The following ULK4 variants were observed in gnomAD, a reference collection of about 807,000 sequenced individuals.
The protein encoded by ULK4 is unc-51 like kinase 4, also known as inactive serine/threonine-protein kinase ULK4.
Under a neutral mutation model 160.6 loss-of-function variants are expected in ULK4, and 133 were observed. That is an observed-to-expected ratio of 0.83 (90% CI 0.72 to 0.96). ULK4 has a LOEUF of 0.96. Ranked by LOEUF, ULK4 falls within the 40% of genes least tolerant of loss-of-function variation. ULK4 has a pLI of 0.00. For missense variants in ULK4, 1,580 were observed against 1,499.5 expected, an observed-to-expected ratio of 1.05 and a Z score of -0.89; for synonymous variants, 534 against 539.8, an observed-to-expected ratio of 0.99 and a Z score of 0.15.
intron 5 of ULK4, among the ~76,000 whole-genome samples, chr3:41,924,792 C>A (rs1699319222): frequency 6.6e-6 from 1 of 152,140 alleles, no homozygotes; most frequent in Admixed American, 6.6e-5. Context: ...GATTAACCTG[C>A]TGCTCTCCAT....
intron 18 of ULK4, among the ~76,000 whole-genome samples, chr3:41,821,824 A>T (rs958158271): frequency 1.3e-5 from 2 of 152,130 alleles, no homozygotes; most frequent in Admixed American, 6.5e-5. Flanking sequence ...TATCTCCCTC[A>T]TAACAGGAAA....
At chr3:41,794,680 A>C (rs1441633203) in intron 20 of ULK4, among the ~76,000 whole-genome samples, 4 of 131,012 alleles carry the variant, frequency 3.1e-5, no homozygotes, top group African/African-American at 1.2e-4. Flanking sequence ...AAAAAAAAAA[A>C]AAAAAACACA....
Position 41,731,442 on chromosome 3 carries a change from C to T in ULK4, c.2322-13581G>A, listed in dbSNP as rs142169173. Among the ~76,000 whole-genome samples, 613 of 151,858 alleles carry T rather than the reference C, an allele frequency of 4.0e-3. 3 individuals are homozygous for T. Among genetic ancestry groups the T allele is most frequent in the Middle Eastern group, 0.017 (5 of 294 alleles). On this transcript the variant is annotated intron_variant, in intron 22 of 36. Transcript: ENST00000301831. ...TAGTCAAGGAGGTGAAAGCCCTCTA[C>T]AAGAAAAACTATGTAACAGTGATGA...
intron 32 of ULK4, among the ~76,000 whole-genome samples, chr3:41,543,909 T>C (rs2086773568): frequency 6.6e-6 from 1 of 152,212 alleles, no homozygotes; most frequent in Non-Finnish European, 1.5e-5. Context: ...ATTATCTACT[T>C]GATGTGACAT....
At chr3:41,891,501 G>T (rs1284475831) in intron 16 of ULK4, among the ~76,000 whole-genome samples, 2 of 150,504 alleles carry the variant, frequency 1.3e-5, no homozygotes, top group African/African-American at 4.9e-5. Flanking sequence ...AAAAAAAAAG[G>T]TAAGGTTTAC....
intron 35 of ULK4, among the ~76,000 whole-genome samples, chr3:41,364,047 T>G (rs1474456167): frequency 1.3e-5 from 2 of 152,148 alleles, no homozygotes; most frequent in Non-Finnish European, 2.9e-5. Context: ...CCTCCCACTT[T>G]CAGCCTCCTG....
chr3:41,247,048 C>G, intron 36 of ULK4, 56 bp from the exon 37 acceptor site: 1 of 1,553,816 alleles, frequency 6.4e-7, no homozygotes, highest in Non-Finnish European at 8.8e-7. Flanking sequence ...GTAAAGTGCT[C>G]CCCCCTTTCA....
chr3:41,782,923 T>C (rs1411649114), intron 21 of ULK4, among the ~76,000 whole-genome samples: 1 of 152,096 alleles, frequency 6.6e-6, no homozygotes, highest in Non-Finnish European at 1.5e-5. Flanking sequence ...TAAAATGATA[T>C]TGAAGAGTTG....
intron 1 of ULK4, 24 bp from the exon 2 acceptor site, chr3:41,954,831 T>C (rs1200809825): frequency 1.5e-5 from 21 of 1,433,254 alleles, no homozygotes; most frequent in East Asian, 4.6e-5. Flanking sequence ...AAAAATGACA[T>C]TGATAAATGC....
chr3:41,912,914 A>C lies in ULK4; in HGVS notation c.804-15T>G. The C allele has an allele frequency of 6.2e-7, 1 of 1,612,842 alleles. No individual in the cohort carries two copies. Reference sequence around the variant, plus strand: ...TCCAAGTCAATCTTTAAAAAACATAAATGTTAAAACTCTACTTTAACATGA... The same window carrying C: ...TCCAAGTCAATCTTTAAAAAACATACATGTTAAAACTCTACTTTAACATGA... On this transcript the variant is annotated splice_polypyrimidine_tract_variant and intron_variant, in intron 8 of 36. Coordinates refer to ENST00000301831, the MANE Select transcript of ULK4 (RefSeq NM_017886.4).
intron 35 of ULK4, among the ~76,000 whole-genome samples, chr3:41,377,592 A>G (rs2081536426): frequency 2.0e-5 from 3 of 146,616 alleles, no homozygotes; most frequent in East Asian, 4.1e-4. Flanking sequence ...TCAAAAGAAG[A>G]CATTTATGCA....
intron 30 of ULK4, among the ~76,000 whole-genome samples, chr3:41,633,976 T>C (rs2033851498): frequency 6.6e-6 from 1 of 152,192 alleles, no homozygotes; most frequent in Non-Finnish European, 1.5e-5. Flanking sequence ...ATTAACCTCA[T>C]TCTACAATAG....
chr3:41,258,648 G>A (rs1045384827), intron 35 of ULK4, among the ~76,000 whole-genome samples: 6 of 152,088 alleles, frequency 3.9e-5, no homozygotes, highest in Admixed American at 3.3e-4. Flanking sequence ...TCAAATGGCA[G>A]GCATCCATTT....
chr3:41,462,937 A>G, intron 33 of ULK4, 150 bp downstream of exon 33: 2 of 963,664 alleles, frequency 2.1e-6, no homozygotes, highest in Non-Finnish European at 2.9e-6. Context: ...TGGTCACCCA[A>G]AGATGACTCT....
At chr3:41,612,320 C>A (rs1559432241) in intron 31 of ULK4, among the ~76,000 whole-genome samples, 1 of 152,192 alleles carries the variant, frequency 6.6e-6, no homozygotes, top group Non-Finnish European at 1.5e-5. Context: ...CCCCAAAGCC[C>A]TGTTCAAAGG....
At chr3:41,632,198 T>C (rs1305164103) in intron 30 of ULK4, among the ~76,000 whole-genome samples, 1 of 152,120 alleles carries the variant, frequency 6.6e-6, no homozygotes, top group East Asian at 1.9e-4. Context: ...GCAGTATCAG[T>C]AAGAGAAAGA....
chr3:41,833,678 G>A (rs1244509665), intron 18 of ULK4, among the ~76,000 whole-genome samples: 1 of 151,996 alleles, frequency 6.6e-6, no homozygotes, highest in African/African-American at 2.4e-5. Context: ...TTGATGTATA[G>A]GAATGCTTGT....
At chr3:41,793,015 A>T (rs1279723681) in intron 20 of ULK4, among the ~76,000 whole-genome samples, 2 of 152,192 alleles carry the variant, frequency 1.3e-5, no homozygotes, top group Non-Finnish European at 2.9e-5. Context: ...TCTACTAAAA[A>T]TACAAAAATT....
intron 22 of ULK4, among the ~76,000 whole-genome samples, chr3:41,735,705 A>ATTATTATTATTATTATTC (rs2038012473): frequency 6.7e-6 from 1 of 149,344 alleles, no homozygotes; most frequent in African/African-American, 2.5e-5. Flanking sequence ...TATTATTATT[A>ATTATTATTATTATTATTC]TTATTATTAT....
Sources: allele counts gnomAD v4.1 joint callset (sites outside exome capture counted in the v4.1 genomes callset), GRCh38; gene constraint gnomAD v4.1.1; transcripts MANE v1.5; gene names NCBI Gene and HGNC (gene_info 2026-07-23, HGNC 2026-07-21).